The following CNTNAP2 variants were observed in gnomAD, a reference collection of about 807,000 sequenced individuals.
CNTNAP2 encodes contactin associated protein 2, also known as contactin-associated protein-like 2.
Under a neutral mutation model 155.2 loss-of-function variants are expected in CNTNAP2, and 98 were observed. The ratio of observed to expected loss-of-function variants is 0.63; its 90% confidence interval spans 0.54 to 0.75. CNTNAP2 has a LOEUF of 0.75. Among genes scored for constraint, CNTNAP2 ranks in the 30% least tolerant of loss-of-function variants. The probability of loss-of-function intolerance (pLI) is 0.00; values close to 1 mark genes in which losing one functional copy is unlikely to be tolerated. For synonymous variants in CNTNAP2, 651 were observed against 631.2 expected (o/e 1.03, Z -0.47); for missense variants, 1,727 against 1,688.1 (o/e 1.02, Z -0.40).
chr7:146,821,673 A>G (rs1407220475), intron 2 of CNTNAP2, among the ~76,000 whole-genome samples: 1 of 152,162 alleles, frequency 6.6e-6, no homozygotes, highest in East Asian at 1.9e-4. Flanking sequence ...ATGTGAACAG[A>G]CACTTCTCAA....
intron 3 of CNTNAP2, among the ~76,000 whole-genome samples, chr7:146,980,154 C>G (rs1797986418): frequency 6.6e-6 from 1 of 151,034 alleles, no homozygotes; most frequent in African/African-American, 2.4e-5. Flanking sequence ...AAATGAAAAG[C>G]CAGAAAGATT....
intron 1 of CNTNAP2, among the ~76,000 whole-genome samples, chr7:146,674,812 T>TA (rs1374450382): frequency 1.3e-5 from 2 of 152,118 alleles, no homozygotes; most frequent in African/African-American, 4.8e-5. Flanking sequence ...GTGTAGTAAA[T>TA]AAGGGCTATT....
At chr7:147,755,744 T>C (rs1238972331) in intron 13 of CNTNAP2, among the ~76,000 whole-genome samples, 1 of 152,182 alleles carries the variant, frequency 6.6e-6, no homozygotes, top group African/African-American at 2.4e-5. Flanking sequence ...TTCGCACTGG[T>C]TCCTATGCTT....
chr7:146,513,700 A>G (rs114216724), intron 1 of CNTNAP2, among the ~76,000 whole-genome samples: 1,992 of 152,036 alleles, frequency 0.013, 40 homozygotes, highest in African/African-American at 0.043. Context: ...TCTTCATACT[A>G]TAGATATGAG....
At chr7:146,365,611 G>T (rs995704162) in intron 1 of CNTNAP2, among the ~76,000 whole-genome samples, 2 of 152,116 alleles carry the variant, frequency 1.3e-5, no homozygotes, top group African/African-American at 4.8e-5. Flanking sequence ...GTCTAGGTTT[G>T]TGATTTTATA....
At chr7:146,751,880 G>C (rs983276733) in intron 1 of CNTNAP2, among the ~76,000 whole-genome samples, 2 of 151,990 alleles carry the variant, frequency 1.3e-5, no homozygotes, top group Non-Finnish European at 2.9e-5. Context: ...GCAGTGTTTG[G>C]TTTTCGGTTC....
intron 1 of CNTNAP2, among the ~76,000 whole-genome samples, chr7:146,622,983 G>GAA (rs35834750): frequency 1.4e-5 from 2 of 140,692 alleles, no homozygotes; most frequent in African/African-American, 2.7e-5. Context: ...AAAGAAAAAA[G>GAA]AAAAAAAAAA....
At chr7:147,630,239 C>T (rs977131579) in intron 12 of CNTNAP2, among the ~76,000 whole-genome samples, 2 of 139,074 alleles carry the variant, frequency 1.4e-5, no homozygotes, top group African/African-American at 2.6e-5. Flanking sequence ...TGGAAATATA[C>T]AACCTTCCTA....
intron 1 of CNTNAP2, among the ~76,000 whole-genome samples, chr7:146,631,808 C>G (rs890130921): frequency 1.3e-5 from 2 of 152,070 alleles, no homozygotes; most frequent in African/African-American, 4.8e-5. Flanking sequence ...CATACAAACT[C>G]ACTTTACCAA....
intron 3 of CNTNAP2, among the ~76,000 whole-genome samples, chr7:146,897,289 T>C (rs1298686298): frequency 6.6e-6 from 1 of 152,162 alleles, no homozygotes; most frequent in Non-Finnish European, 1.5e-5. Context: ...TGCCAACACA[T>C]ATCAGAAGGC....
chr7:146,509,095 G>A (rs1339406194), intron 1 of CNTNAP2, among the ~76,000 whole-genome samples: 7 of 152,200 alleles, frequency 4.6e-5, no homozygotes, highest in Non-Finnish European at 1.0e-4. Flanking sequence ...TCATGTGGGA[G>A]GTAAGGTGTT....
At chr7:147,576,407 C>T (rs549543265) in intron 12 of CNTNAP2, among the ~76,000 whole-genome samples, 19 of 152,264 alleles carry the variant, frequency 1.2e-4, no homozygotes, top group African/African-American at 3.8e-4. Flanking sequence ...GTCCTATAAA[C>T]TTGAAAAAGT....
chr7:147,710,148 G>A (rs747004346), intron 13 of CNTNAP2, among the ~76,000 whole-genome samples: 15 of 152,250 alleles, frequency 9.9e-5, no homozygotes, highest in Admixed American at 5.2e-4. Flanking sequence ...AATTTGTGAG[G>A]AGGTATTGTT....
rs187052103 is a variant in CNTNAP2 at position 147,509,134 on chromosome 7, T to C, written c.1777+23093T>C. Among the ~76,000 whole-genome samples, 4 of 152,280 alleles carry C rather than the reference T, an allele frequency of 2.6e-5. No individual in the cohort carries two copies. The East Asian group carries it at 7.7e-4, about 29-fold the overall frequency. On this transcript the variant is annotated intron_variant, in intron 11 of 23. Transcript: ENST00000361727. ...TGTATGGAATGCAAACTCCCTCTTT[T>C]ACTTAATTATCATTGGCATGTTCTT...
Position 147,891,836 on chromosome 7 carries a change from G to T in CNTNAP2, c.2099-11729G>T, listed in dbSNP as rs555224950. ...CATTCTTTGAGTCCAGTATTAACTT[G>T]ATACCAAAAACATAATGATAGTACA... is the stretch of plus-strand genomic sequence containing the variant. On this transcript the variant is annotated intron_variant, in intron 13 of 23. Transcript: ENST00000361727. Among the ~76,000 whole-genome samples, 19 of 152,136 alleles carry T rather than the reference G, an allele frequency of 1.2e-4. No individual in the cohort carries two copies. In the South Asian group the frequency reaches 2.5e-3, roughly 20 times the overall value.
rs568133414 is a variant in CNTNAP2 at position 146,523,107 on chromosome 7, T to G, written c.98-251164T>G. Among the ~76,000 whole-genome samples, 39 of 152,206 alleles carry G rather than the reference T, an allele frequency of 2.6e-4. No homozygotes were observed. The South Asian group carries it at 7.9e-3, about 31-fold the overall frequency. ...GCGCACCCATCACCTGAGCAGTATA[T>G]ACTGCACCATCTGTGTTGTCCTTTA... On this transcript the variant is annotated intron_variant, in intron 1 of 23. Coordinates refer to ENST00000361727, the MANE Select transcript of CNTNAP2 (RefSeq NM_014141.6).
At chr7:146,947,301 G>A (rs892107115) in intron 3 of CNTNAP2, among the ~76,000 whole-genome samples, 21 of 150,282 alleles carry the variant, frequency 1.4e-4, no homozygotes, top group Admixed American at 1.3e-3. Context: ...TTCTCAAATT[G>A]TCATTAGCAA....
At chr7:147,685,417 GT>G (rs2116984748) in intron 13 of CNTNAP2, among the ~76,000 whole-genome samples, 1 of 152,060 alleles carries the variant, frequency 6.6e-6, no homozygotes, top group South Asian at 2.1e-4. Flanking sequence ...AACTCAGAGT[GT>G]TTGAGAGATT....
intron 1 of CNTNAP2, among the ~76,000 whole-genome samples, chr7:146,147,805 A>G (rs1216821937): frequency 6.6e-6 from 1 of 152,060 alleles, no homozygotes; most frequent in Admixed American, 6.6e-5. Flanking sequence ...AGGAAATTTC[A>G]TTTTCTGTGG....
Sources: gnomAD v4.1 joint callset for allele counts (sites outside exome capture counted in the v4.1 genomes callset) on GRCh38, gnomAD v4.1.1 for gene constraint, MANE v1.5 for transcripts, NCBI Gene and HGNC (gene_info 2026-07-23, HGNC 2026-07-21) for gene names.